The following GRIN1 variants were observed in gnomAD, a reference collection of about 807,000 sequenced individuals.
GRIN1 encodes the protein glutamate receptor ionotropic, NMDA 1.
In GRIN1, 38 loss-of-function variants were observed where a neutral mutation model predicts 103.0. The ratio of observed to expected loss-of-function variants is 0.37; its 90% CI spans 0.28 to 0.48. GRIN1 has a LOEUF of 0.48. Ranked by LOEUF, GRIN1 falls within the 20% of genes least tolerant of loss-of-function variation. The pLI is 0.98. For missense variants in GRIN1, 577 were observed against 1,288.9 expected (o/e 0.45, Z 8.46); for synonymous variants, 544 against 532.7 (o/e 1.02, Z -0.29).
chr9:137,161,996 G>A lies in GRIN1; in HGVS notation c.1540G>A (p.Val514Met). Residue 514 changes from valine (V) to methionine (M), a missense_variant, in exon 11 of 20, where the codon GTG becomes ATG. Physicochemically the swap from Val to Met is conservative, Grantham distance 21. Around this residue, in one of 9 missense-constraint regions of GRIN1, gnomAD observed 96 missense variants for 145.0 expected, o/e 0.66. Coordinates refer to ENST00000371561, the MANE Select transcript of GRIN1 (RefSeq NM_007327.4). ...ELLSGQADMI[V>M]APLTINNERA... ...GCTCAGCGGGCAGGCAGACATGATCGTGGCGCCGCTAACCATAAACAACGA... is the reference window on the plus strand; with the variant it reads ...GCTCAGCGGGCAGGCAGACATGATCATGGCGCCGCTAACCATAAACAACGA... 1 of 1,559,598 alleles carries A rather than the reference G, an allele frequency of 6.4e-7. No homozygotes were observed. Among genetic ancestry groups the A allele is most frequent in the Non-Finnish European group, 8.7e-7 (1 of 1,151,932 alleles).
At chr9:137,160,079 C>A (rs1169056283) in intron 8 of GRIN1, among the ~76,000 whole-genome samples, 5 of 152,240 alleles carry the variant, frequency 3.3e-5, no homozygotes, top group African/African-American at 9.7e-5. Flanking sequence ...ATGCCATGGT[C>A]CCTTGAAGGA....
intron 4 of GRIN1, among the ~76,000 whole-genome samples, chr9:137,150,555 C>T (rs1464613985): frequency 6.8e-6 from 1 of 146,738 alleles, no homozygotes; most frequent in Admixed American, 6.8e-5. Flanking sequence ...AAGCCCAGCC[C>T]AGAAAAAAGA....
Position 137,163,187 on chromosome 9 carries a change from C to T in GRIN1, c.2190C>T (p.Ile730=). Residue 730 remains isoleucine, a synonymous_variant, in exon 16 of 20, where the codon ATC becomes ATT. Coordinates refer to ENST00000371561, the MANE Select transcript of GRIN1 (RefSeq NM_007327.4). ...AVRDNKLHAF[I]WDSAVLEFEA... ...CCGGCAGCAAGCTGCATGCCTTCAT[C>T]TGGGACTCGGCGGTGCTGGAGTTCG... 1 of 1,613,476 alleles carries T rather than the reference C, an allele frequency of 6.2e-7. No individual in the cohort carries two copies. The highest frequency in any genetic ancestry group is 8.5e-7 in the Non-Finnish European group (1 of 1,179,922).
intron 4 of GRIN1, among the ~76,000 whole-genome samples, chr9:137,150,313 G>GAAAGACCCGCCCAGAAAA (rs1443877753): frequency 6.6e-6 from 1 of 151,144 alleles, no homozygotes; most frequent in Non-Finnish European, 1.5e-5. Context: ...CCCGCCCAGG[G>GAAAGACCCGCCCAGAAAA]AAAGACCCGC....
rs1179065459 is a variant in GRIN1, at chr9:137,161,383, G to A, written c.1434G>A (p.Leu478=). 6.2e-7 allele frequency: 1 copy of A among 1,612,492 alleles called. No individual in the cohort carries two copies. Among genetic ancestry groups the A allele is most frequent in the Non-Finnish European group, 8.5e-7 (1 of 1,179,760 alleles). ...TGAACTTCACCTACGAGGTGCACCT[G>A]GTGGCAGATGGCAAGTTCGGCACAC... is the stretch of plus-strand genomic sequence containing the variant. ...RTMNFTYEVH[L]VADGKFGTQE... The change falls in exon 10 of 20, where the codon CTG becomes CTA. Residue 478 remains leucine, a synonymous_variant. Coordinates refer to ENST00000371561, the MANE Select transcript of GRIN1 (RefSeq NM_007327.4).
chr9:137,162,323 C>T, intron 12 of GRIN1, 33 bp downstream of exon 12: 1 of 1,548,674 alleles, frequency 6.5e-7, no homozygotes, highest in South Asian at 1.2e-5. Context: ...ACACCTCCAT[C>T]TGCGGGGCGC....
At position 137,139,877 on chromosome 9, in the gene GRIN1, C is replaced by T; in HGVS notation, c.258+133C>T. 1 of 749,310 alleles carries T rather than the reference C, an allele frequency of 1.3e-6. No individual in the cohort carries two copies. The highest frequency in any genetic ancestry group is 2.3e-6 in the Non-Finnish European group (1 of 436,054). The allele number at this position is 749,310 out of a possible 1,614,324, so 46.4% of individuals were successfully genotyped here. A position where few individuals can be genotyped will look rare whatever the true frequency, so the allele number is the denominator to read the frequency against. On this transcript the variant is annotated intron_variant, in intron 1 of 19. Transcript: ENST00000371561. This position sits in a 1 kb window ranked among gnomAD's most constrained non-coding sequence, Gnocchi z 7.7. Reference sequence around the variant, plus strand: ...CCACCCCAGAGTCAGCTGGCTGCTTCCGGGAGGCCTCGTCTCACTAGGAAC... The same window carrying T: ...CCACCCCAGAGTCAGCTGGCTGCTTTCGGGAGGCCTCGTCTCACTAGGAAC...
At chr9:137,148,834 G>A (rs569957370) in intron 3 of GRIN1, among the ~76,000 whole-genome samples, 175 bp from the exon 4 acceptor site, 3 of 152,320 alleles carry the variant, frequency 2.0e-5, no homozygotes, top group Non-Finnish European at 4.4e-5. Context: ...GGAGAGGCGA[G>A]GCCAGGCCAG....
chr9:137,142,007 C>T lies in GRIN1; in HGVS notation c.259-6C>T. The stretch of plus-strand genomic sequence containing the variant: ...CTCAAGCTGATCATGTCTCCTGTGT[C>T]CACAGGTCTACGCCATCCTAGTTAG... On this transcript the variant is annotated splice_polypyrimidine_tract_variant and splice_region_variant and intron_variant, in intron 1 of 19. Coordinates refer to ENST00000371561, the MANE Select transcript of GRIN1 (RefSeq NM_007327.4). 6.2e-7 allele frequency: 1 copy of T among 1,614,118 alleles called. No individual in the cohort carries two copies. The highest frequency in any genetic ancestry group is 8.5e-7 in the Non-Finnish European group (1 of 1,179,942).
intron 12 of GRIN1, 40 bp downstream of exon 12, chr9:137,162,330 G>A (rs1833602534): frequency 9.7e-6 from 15 of 1,549,482 alleles, no homozygotes; most frequent in Non-Finnish European, 1.3e-5. Context: ...CATCTGCGGG[G>A]CGCGGAGCCG....
intron 18 of GRIN1, 178 bp downstream of exon 18, chr9:137,164,082 C>T (rs747592141): frequency 6.4e-6 from 5 of 779,430 alleles, no homozygotes; most frequent in South Asian, 1.5e-5. Flanking sequence ...CGGTGGGGGG[C>T]TGCCTGCAGG....
chr9:137,145,570 G>A (rs1298349529), intron 2 of GRIN1, among the ~76,000 whole-genome samples, 156 bp from the exon 3 acceptor site: 6 of 52,628 alleles, frequency 1.1e-4, no homozygotes, highest in Non-Finnish European at 2.0e-4. Flanking sequence ...GACACGAGGG[G>A]GTCCCAGGGT....
intron 5 of GRIN1, 25 bp downstream of exon 5, chr9:137,156,815 C>T (rs1272512435): frequency 1.9e-6 from 3 of 1,601,420 alleles, no homozygotes; most frequent in Non-Finnish European, 2.6e-6. Flanking sequence ...TTGGCGGGGT[C>T]CCCGAACGGG....
intron 2 of GRIN1, among the ~76,000 whole-genome samples, chr9:137,144,177 C>T (rs1832328668): frequency 6.6e-6 from 1 of 152,294 alleles, no homozygotes; most frequent in East Asian, 1.9e-4. Flanking sequence ...TCACCCCAGG[C>T]ACAATTCCAC....
At position 137,167,618 on chromosome 9, in the gene GRIN1, C is replaced by T. The variant is rs1833950168; in HGVS notation, c.*91C>T. ...GCCCGGCCCACGCAGAGCCCCGGAGCACCACGGGGTCGGGGGAGGAGCACC... is the reference window on the plus strand; with the variant it reads ...GCCCGGCCCACGCAGAGCCCCGGAGTACCACGGGGTCGGGGGAGGAGCACC... On this transcript the variant is annotated 3_prime_UTR_variant, in exon 20 of 20. Transcript: ENST00000371561. 6.6e-7 allele frequency: 1 copy of T among 1,520,298 alleles called. No homozygotes were observed. Among genetic ancestry groups the T allele is most frequent in the Non-Finnish European group, 8.8e-7 (1 of 1,131,598 alleles). The allele number at this position is 1,520,298 out of a possible 1,614,324, so 94.2% of individuals were successfully genotyped here.
chr9:137,162,756 C>T lies in GRIN1; in HGVS notation c.2013+17C>T. Reference sequence around the variant, plus strand: ...GACCCTCGGGTGAGGCCTGGCCGGGCTGGGGGAGGGAATGCGAGGTGAGCT... The same window carrying T: ...GACCCTCGGGTGAGGCCTGGCCGGGTTGGGGGAGGGAATGCGAGGTGAGCT... On this transcript the variant is annotated intron_variant, in intron 14 of 19. Coordinates refer to ENST00000371561, the MANE Select transcript of GRIN1 (RefSeq NM_007327.4). 1 of 1,601,970 alleles carries T rather than the reference C, an allele frequency of 6.2e-7. No homozygotes were observed. The highest frequency in any genetic ancestry group is 8.5e-7 in the Non-Finnish European group (1 of 1,175,072).
chr9:137,141,993 C>A lies in GRIN1; in HGVS notation c.259-20C>A. The A allele has an allele frequency of 6.2e-7, 1 of 1,614,022 alleles. No individual in the cohort carries two copies. The highest frequency in any genetic ancestry group is 8.5e-7 in the Non-Finnish European group (1 of 1,179,888). ...TGGCTCACCCCTGACTCAAGCTGATCATGTCTCCTGTGTCCACAGGTCTAC... is the reference window on the plus strand; with the variant it reads ...TGGCTCACCCCTGACTCAAGCTGATAATGTCTCCTGTGTCCACAGGTCTAC... On this transcript the variant is annotated intron_variant, in intron 1 of 19. Transcript: ENST00000371561.
intron 16 of GRIN1, 61 bp downstream of exon 16, chr9:137,163,391 C>T: frequency 1.3e-6 from 2 of 1,582,684 alleles, no homozygotes; most frequent in East Asian, 4.5e-5. Flanking sequence ...GGACGCCCTC[C>T]CCAGTGCCAG....
chr9:137,154,685 C>T (rs1011520105), intron 4 of GRIN1, among the ~76,000 whole-genome samples: 4 of 152,044 alleles, frequency 2.6e-5, no homozygotes, highest in Non-Finnish European at 5.9e-5. Context: ...TTCCTGACCT[C>T]AGGAGACCTG....
Sources: allele counts gnomAD v4.1 joint callset (sites outside exome capture counted in the v4.1 genomes callset), GRCh38; gene constraint gnomAD v4.1.1; regional missense constraint gnomAD v4.1.1; non-coding constraint Gnocchi (gnomAD v3.1); transcripts MANE v1.5; gene names NCBI Gene and HGNC (gene_info 2026-07-23, HGNC 2026-07-21).